MYT1: variants seen among roughly 807,000 people sequenced by gnomAD.
The protein encoded by MYT1 is myelin transcription factor 1, also known as myelin transcription factor I.
MYT1 carries 23 observed loss-of-function variants against 123.0 expected under a neutral mutation model. That is an observed-to-expected ratio of 0.19 (90% CI 0.13 to 0.26). The LOEUF is 0.26. Among genes scored for constraint, MYT1 ranks in the 10% least tolerant of loss-of-function variants. The pLI is 1.00. For missense variants in MYT1, 1,125 were observed against 1,472.5 expected (o/e 0.76, Z 3.86); for synonymous variants, 518 against 575.3 (o/e 0.90, Z 1.43).
chr20:64,198,664 C>G (rs895340342), intron 2 of MYT1, among the ~76,000 whole-genome samples, 198 bp from the exon 3 acceptor site: 1 of 152,224 alleles, frequency 6.6e-6, no homozygotes, highest in Admixed American at 6.5e-5. Flanking sequence ...GTAGAAGGTC[C>G]TTTCTCTACA....
chr20:64,240,506 C>T lies in MYT1; in HGVS notation c.*58C>T, dbSNP rs532681277. ...CACACCGTTTACCTCCCTCGCCCTGCCCCGCACCGTGGGGATGCCCAACTC... is the reference window on the plus strand; with the variant it reads ...CACACCGTTTACCTCCCTCGCCCTGTCCCGCACCGTGGGGATGCCCAACTC... On this transcript the variant is annotated 3_prime_UTR_variant, in exon 23 of 23. Coordinates refer to ENST00000328439, the MANE Select transcript of MYT1 (RefSeq NM_004535.3). The T allele has an allele frequency of 1.7e-5, 27 of 1,551,222 alleles. No homozygotes were observed. The highest frequency in any genetic ancestry group is 5.5e-5 in the African/African-American group (4 of 72,794).
rs1983571606 is a variant in MYT1 at position 64,208,564 on chromosome 20, G to A, written c.1291+77G>A. The A allele has an allele frequency of 5.3e-6, 8 of 1,498,708 alleles. No homozygotes were observed. The highest frequency in any genetic ancestry group is 1.4e-5 in the African/African-American group (1 of 71,602). 92.8% of individuals were successfully genotyped at this position (1,498,708 alleles called of 1,614,324 possible). A position where few individuals can be genotyped will look rare whatever the true frequency, so the allele number is the denominator to read the frequency against. ...CCAGGTGTGCAGATGCAGGCTGAGA[G>A]CCCTTCTAGGACAGGGGGCTGGGGG... On this transcript the variant is annotated intron_variant, in intron 7 of 22. Coordinates refer to ENST00000328439, the MANE Select transcript of MYT1 (RefSeq NM_004535.3). This position sits in a 1 kb window ranked among gnomAD's most constrained non-coding sequence, Gnocchi z 5.4.
At chr20:64,235,157 TGGGCTGGCCGTGGTATGTGACCCG>T (rs1379247949) in intron 19 of MYT1, among the ~76,000 whole-genome samples, 2 of 117,914 alleles carry the variant, frequency 1.7e-5, no homozygotes, top group African/African-American at 7.2e-5. Flanking sequence ...TGAGTGACCC[TGGGCTGGCCGTGGTATGTGACCCG>T]GGGCTGGCCG....
chr20:64,231,234 C>G lies in MYT1; in HGVS notation c.2676-930C>G, dbSNP rs1463832385. 6.6e-6 allele frequency among the ~76,000 whole-genome samples: 1 copy of G among 152,156 alleles called. No individual in the cohort carries two copies. The highest frequency in any genetic ancestry group is 1.5e-5 in the Non-Finnish European group (1 of 68,028). On this transcript the variant is annotated intron_variant, in intron 18 of 22. Coordinates refer to ENST00000328439, the MANE Select transcript of MYT1 (RefSeq NM_004535.3). The surrounding 1 kb of genome is among the most constrained non-coding windows in gnomAD (Gnocchi z 6.4). ...TCATTTATGAAGAGATAAGAATGAG[C>G]CTTGCAGATTGAAGATCTTGTCCTG... is the stretch of plus-strand genomic sequence containing the variant.
intron 1 of MYT1, among the ~76,000 whole-genome samples, chr20:64,170,816 TCTCTC>T (rs1982230200): frequency 7.3e-6 from 1 of 136,744 alleles, no homozygotes; most frequent in South Asian, 2.4e-4. Flanking sequence ...AGGCATTCAT[TCTCTC>T]CCCATGACAC....
At position 64,232,055 on chromosome 20, in the gene MYT1, C is replaced by A; in HGVS notation, c.2676-109C>A. ...GGCCCTCCCTGCCTCACTCAGAAGC[C>A]CTTTAACGGCTCTGAGTTGGGCTCC... On this transcript the variant is annotated intron_variant, in intron 18 of 22. Transcript: ENST00000328439. This position sits in a 1 kb window ranked among gnomAD's most constrained non-coding sequence, Gnocchi z 6.9. 1.8e-6 allele frequency: 2 copies of A among 1,100,726 alleles called. No homozygotes were observed. Among genetic ancestry groups the A allele is most frequent in the South Asian group, 2.8e-5 (2 of 71,262 alleles). 68.2% of individuals were successfully genotyped at this position (1,100,726 alleles called of 1,614,324 possible).
rs763381494 is a variant in MYT1, at chr20:64,237,381, G to T, written c.3084G>T (p.Leu1028=). The T allele has an allele frequency of 1.4e-5, 22 of 1,604,782 alleles. No individual in the cohort carries two copies. The highest frequency in any genetic ancestry group is 1.8e-5 in the Non-Finnish European group (21 of 1,176,840). The stretch of plus-strand genomic sequence containing the variant: ...AGATGGAGGCTGCCATGGTGCAGCT[G>T]CAGTCCCAGGTAGGTGGTGCCGCCC... ...NSEMEAAMVQ[L]QSQISSMEKN... is the part of the protein sequence containing the mutation. Residue 1028 remains leucine (L), a synonymous_variant, in exon 21 of 23, where the codon CTG becomes CTT. Transcript: ENST00000328439.
Position 64,212,222 on chromosome 20 carries a change from G to T in MYT1, c.1517+84G>T, listed in dbSNP as rs1983695959. On this transcript the variant is annotated intron_variant, in intron 9 of 22. Transcript: ENST00000328439. This position sits in a 1 kb window ranked among gnomAD's most constrained non-coding sequence, Gnocchi z 6.8. ...GGGTGGGGGCCGTGGTGGGGGCCAGGGTGGGGGCCGTGGTGGGGGCCAGGG... is the reference window on the plus strand; with the variant it reads ...GGGTGGGGGCCGTGGTGGGGGCCAGTGTGGGGGCCGTGGTGGGGGCCAGGG... 1 of 296,394 alleles carries T rather than the reference G, an allele frequency of 3.4e-6. No individual in the cohort carries two copies. The highest frequency in any genetic ancestry group is 4.7e-5 in the African/African-American group (1 of 21,352). The allele number at this position is 296,394 out of a possible 1,614,324, so 18.4% of individuals were successfully genotyped here. A position where few individuals can be genotyped will look rare whatever the true frequency, so the allele number is the denominator to read the frequency against.
At chr20:64,205,433 G>A in intron 5 of MYT1, 120 bp from the exon 6 acceptor site, 1 of 1,448,344 alleles carries the variant, frequency 6.9e-7, no homozygotes, top group East Asian at 2.3e-5. Context: ...TTCCCTGCAA[G>A]GACTGGATGA....
chr20:64,200,027 C>A, intron 4 of MYT1, 105 bp downstream of exon 4: 1 of 1,353,212 alleles, frequency 7.4e-7, no homozygotes, highest in Non-Finnish European at 1.1e-6. Context: ...CCAAACACCC[C>A]TGGTGAGCCC....
rs1339001992 is a variant in MYT1, at chr20:64,189,303, G to A, written c.-98-760G>A. Among the ~76,000 whole-genome samples the A allele has an allele frequency of 6.6e-6, 1 of 152,246 alleles. No individual in the cohort carries two copies. Among genetic ancestry groups the A allele is most frequent in the Non-Finnish European group, 1.5e-5 (1 of 68,048 alleles). On this transcript the variant is annotated intron_variant, in intron 1 of 22. Coordinates refer to ENST00000328439, the MANE Select transcript of MYT1 (RefSeq NM_004535.3). This position sits in a 1 kb window ranked among gnomAD's most constrained non-coding sequence, Gnocchi z 5.5. ...CCTTCCTTTGAAATGCTGCAGTTAT[G>A]TAGAAAGCAGGTTGTCATGGAAACG...
chr20:64,186,948 G>A lies in MYT1; in HGVS notation c.-98-3115G>A, dbSNP rs1366410994. Among the ~76,000 whole-genome samples the A allele has an allele frequency of 6.9e-6, 1 of 145,522 alleles. No individual in the cohort carries two copies. The highest frequency in any genetic ancestry group is 1.5e-5 in the Non-Finnish European group (1 of 66,916). The stretch of plus-strand genomic sequence containing the variant: ...CGTGGAGAGTTTTCCTGTAGCACGT[G>A]GCTCCGGCATCCACGTTTCCGTGGA... On this transcript the variant is annotated intron_variant, in intron 1 of 22. Transcript: ENST00000328439. This position sits in a 1 kb window ranked among gnomAD's most constrained non-coding sequence, Gnocchi z 4.3.
At chr20:64,238,863 C>G (rs1984631224) in intron 21 of MYT1, among the ~76,000 whole-genome samples, 1 of 152,242 alleles carries the variant, frequency 6.6e-6, no homozygotes, top group Admixed American at 6.5e-5. Flanking sequence ...AACCCCTGTC[C>G]ATCTGAGGGA....
At chr20:64,219,186 T>G in intron 12 of MYT1, 151 bp downstream of exon 12, 135 of 1,014,812 alleles carry the variant, frequency 1.3e-4, no homozygotes, top group Non-Finnish European at 1.6e-4. Flanking sequence ...CTCCTGGCCA[T>G]GGCCCCAAGG....
chr20:64,198,286 C>CAAAAAAAAAAAAAAAAA (rs34822167), intron 2 of MYT1, among the ~76,000 whole-genome samples: 6 of 23,818 alleles, frequency 2.5e-4, no homozygotes, highest in African/African-American at 6.7e-4. Flanking sequence ...GACTCCGTCT[C>CAAAAAAAAAAAAAAAAA]AAAAAAAAAA....
Position 64,200,398 on chromosome 20 carries a change from G to A in MYT1, c.86+476G>A, listed in dbSNP as rs139259845. Among the ~76,000 whole-genome samples, 1,027 of 152,318 alleles carry A rather than the reference G, an allele frequency of 6.7e-3. 8 individuals carry two copies. The highest frequency in any genetic ancestry group is 8.7e-3 in the Non-Finnish European group (589 of 68,032). ...ACCCGGCTGGCTGAGCTCTGTGACCGTTTCCTTCCTGCTTCTCAGGGATAC... is the reference window on the plus strand; with the variant it reads ...ACCCGGCTGGCTGAGCTCTGTGACCATTTCCTTCCTGCTTCTCAGGGATAC... On this transcript the variant is annotated intron_variant, in intron 4 of 22. Transcript: ENST00000328439.
rs906072896 is a variant in MYT1, at chr20:64,232,503, C to T, written c.2897+118C>T. 3 of 1,035,794 alleles carry T rather than the reference C, an allele frequency of 2.9e-6. No homozygotes were observed. Among genetic ancestry groups the T allele is most frequent in the East Asian group, 2.6e-5 (1 of 38,852 alleles). 64.2% of individuals were successfully genotyped at this position (1,035,794 alleles called of 1,614,324 possible). A position where few individuals can be genotyped will look rare whatever the true frequency, so the allele number is the denominator to read the frequency against. Reference sequence around the variant, plus strand: ...AGGGCTCCGTGTGACCAGAGTTGCTCAAGGGAAAGGCCAGGCCACATGGGT... The same window carrying T: ...AGGGCTCCGTGTGACCAGAGTTGCTTAAGGGAAAGGCCAGGCCACATGGGT... On this transcript the variant is annotated intron_variant, in intron 19 of 22. Coordinates refer to ENST00000328439, the MANE Select transcript of MYT1 (RefSeq NM_004535.3). The surrounding 1 kb of genome is among the most constrained non-coding windows in gnomAD (Gnocchi z 6.9).
chr20:64,185,325 A>T lies in MYT1; in HGVS notation c.-98-4738A>T, dbSNP rs1349076188. Among the ~76,000 whole-genome samples, 1 of 152,000 alleles carries T rather than the reference A, an allele frequency of 6.6e-6. No individual in the cohort carries two copies. The highest frequency in any genetic ancestry group is 1.5e-5 in the Non-Finnish European group (1 of 67,990). On this transcript the variant is annotated intron_variant, in intron 1 of 22. Coordinates refer to ENST00000328439, the MANE Select transcript of MYT1 (RefSeq NM_004535.3). The surrounding 1 kb of genome is among the most constrained non-coding windows in gnomAD (Gnocchi z 4.5). ...CCATCTCCTGTGCTGGAGACGGAGG[A>T]GGGCTGAGGGGGTGCATGGGAGAAT... is the stretch of plus-strand genomic sequence containing the variant.
chr20:64,222,124 C>T, intron 14 of MYT1, 77 bp downstream of exon 14: 1 of 1,538,340 alleles, frequency 6.5e-7, no homozygotes, highest in Non-Finnish European at 8.9e-7. Context: ...GGTCCCAACC[C>T]ATGACGACCG....
Sources: gnomAD v4.1 joint callset for allele counts (sites outside exome capture counted in the v4.1 genomes callset) on GRCh38, gnomAD v4.1.1 for gene constraint, Gnocchi (gnomAD v3.1) non-coding constraint, MANE v1.5 for transcripts, NCBI Gene and HGNC (gene_info 2026-07-23, HGNC 2026-07-21) for gene names.